Variants in SESN1 observed in about 807,000 individuals in gnomAD.
The protein encoded by SESN1 is sestrin-1.
SESN1 carries 30 observed loss-of-function variants against 59.3 expected under a neutral mutation model. The ratio of observed to expected loss-of-function variants is 0.51; its 90% CI spans 0.38 to 0.69. The LOEUF is 0.69. Among genes scored for constraint, SESN1 ranks in the 30% least tolerant of loss-of-function variants. The pLI, the probability that SESN1 is intolerant of heterozygous loss-of-function variation, is 0.00. For missense variants in SESN1, 566 were observed against 673.0 expected, an observed-to-expected ratio of 0.84 and a Z score of 1.76; for synonymous variants, 197 against 219.9, an observed-to-expected ratio of 0.90 and a Z score of 0.92.
At chr6:109,039,166 A>G (rs1024045913) in intron 1 of SESN1, among the ~76,000 whole-genome samples, 15 of 151,730 alleles carry the variant, frequency 9.9e-5, no homozygotes, top group African/African-American at 3.6e-4. Flanking sequence ...GGAGGAGGAG[A>G]AGAAAGAAGA....
At position 109,044,311 on chromosome 6, in the gene SESN1, CAAAAAAAAAAAAAAAAAAAAA is replaced by C. The variant is rs71015570; in HGVS notation, c.280-41989_280-41969del. On this transcript the variant is annotated intron_variant, in intron 1 of 9. Transcript: ENST00000436639. The stretch of plus-strand genomic sequence containing the variant: ...TAGATGACACAGTGAGAACTTGCCT[CAAAAAAAAAAAAAAAAAAAAA>C]AAAAAAAAAAAAAAAAAGGAGTACA... Among the ~76,000 whole-genome samples, 19 of 28,456 alleles carry C rather than the reference CAAAAAAAAAAAAAAAAAAAAA, an allele frequency of 6.7e-4. 1 individual carries two copies. In the South Asian group the frequency reaches 7.5e-3, roughly 11 times the overall value. The allele number at this position is 28,456 out of a possible 152,430, so 18.7% of individuals were successfully genotyped here. A position where few individuals can be genotyped will look rare whatever the true frequency, so the allele number is the denominator to read the frequency against.
intron 1 of SESN1, among the ~76,000 whole-genome samples, chr6:109,079,443 T>C (rs148728587): frequency 1.8e-3 from 280 of 152,266 alleles, no homozygotes; most frequent in African/African-American, 6.4e-3. Flanking sequence ...TTAGCGCACA[T>C]ATCAAAACTC....
rs566701399 is a variant in SESN1 at position 109,032,630 on chromosome 6, G to C, written c.280-30287C>G. Among the ~76,000 whole-genome samples, 428 of 151,830 alleles carry C rather than the reference G, an allele frequency of 2.8e-3. 4 individuals carry two copies. The highest frequency in any genetic ancestry group is 4.6e-3 in the Non-Finnish European group (314 of 67,902). On this transcript the variant is annotated intron_variant, in intron 1 of 9. Transcript: ENST00000436639. ...AAGACTTCATCTCGTGGGGGGAGTG[G>C]GGGGGAAGAGAAAAGGTAAGAAGAC...
chr6:109,073,115 A>AC (rs1780966966), intron 1 of SESN1, among the ~76,000 whole-genome samples: 1 of 152,130 alleles, frequency 6.6e-6, no homozygotes, highest in Non-Finnish European at 1.5e-5. Context: ...TGCCATCTGC[A>AC]CTAGCTAGGT....
intron 1 of SESN1, among the ~76,000 whole-genome samples, chr6:109,023,443 G>T (rs1166291320): frequency 6.6e-6 from 1 of 152,142 alleles, no homozygotes. Flanking sequence ...TCCAAAATAT[G>T]ATCCACTATG....
Position 108,987,251 on chromosome 6 carries a change from T to C in SESN1, c.*293A>G, listed in dbSNP as rs1416192784. On this transcript the variant is annotated 3_prime_UTR_variant, in exon 10 of 10. Transcript: ENST00000436639. Reference sequence around the variant, plus strand: ...TTATTTAACATAAAAGCAACAGGATTTGGAGAGTTACTATTTGCTGTATTA... The same window carrying C: ...TTATTTAACATAAAAGCAACAGGATCTGGAGAGTTACTATTTGCTGTATTA... 3 of 277,970 alleles carry C rather than the reference T, an allele frequency of 1.1e-5. No individual in the cohort carries two copies. Among genetic ancestry groups the C allele is most frequent in the Admixed American group, 5.2e-5 (1 of 19,270 alleles). 17.2% of individuals were successfully genotyped at this position (277,970 alleles called of 1,614,324 possible).
Position 109,093,985 on chromosome 6 carries a change from T to TG in SESN1, c.88dup (p.Gln30ProfsTer35), listed in dbSNP as rs754736765. 1 of 1,614,202 alleles carries TG rather than the reference T, an allele frequency of 6.2e-7. No homozygotes were observed. The highest frequency in any genetic ancestry group is 8.5e-7 in the Non-Finnish European group (1 of 1,180,040). ...ATACTCGGTTTTCCTCAAAATGGTT[T>TG]GCCTAATGTTTTCCAATGCTGTCTC... On this transcript the variant is annotated frameshift_variant, in exon 1 of 10. Coordinates refer to ENST00000436639, the MANE Select transcript of SESN1 (RefSeq NM_014454.3). LOFTEE classifies it high-confidence loss of function.
chr6:109,000,342 G>A (rs1779588910), intron 4 of SESN1, 149 bp downstream of exon 4: 1 of 513,928 alleles, frequency 1.9e-6, no homozygotes, highest in Non-Finnish European at 3.3e-6. Context: ...CAGAAATGCT[G>A]TAACAGAAGA....
At chr6:108,991,075 ACAACAAC>A (rs777138009) in intron 7 of SESN1, among the ~76,000 whole-genome samples, 15 of 149,612 alleles carry the variant, frequency 1.0e-4, no homozygotes, top group South Asian at 2.1e-4. Flanking sequence ...TCAAAAAAAA[ACAACAAC>A]AAAAAAAAAC....
intron 1 of SESN1, among the ~76,000 whole-genome samples, chr6:109,016,909 T>A (rs1216133165): frequency 6.6e-6 from 1 of 152,198 alleles, no homozygotes; most frequent in African/African-American, 2.4e-5. Flanking sequence ...TAAAATAGTA[T>A]TTTATTCAGA....
chr6:109,094,223 G>A lies in SESN1; in HGVS notation c.-150C>T. 1.2e-6 allele frequency: 1 copy of A among 804,890 alleles called. No individual in the cohort carries two copies. The allele number at this position is 804,890 out of a possible 1,614,324, so 49.9% of individuals were successfully genotyped here. A position where few individuals can be genotyped will look rare whatever the true frequency, so the allele number is the denominator to read the frequency against. On this transcript the variant is annotated 5_prime_UTR_variant, in exon 1 of 10. Transcript: ENST00000436639. ...CATCTGGGTGACATTTGGAACCACT[G>A]GTGCCTTCAGCCGATCTACAAGCTA...
chr6:109,049,167 G>A (rs1390519251), intron 1 of SESN1, among the ~76,000 whole-genome samples: 7 of 152,050 alleles, frequency 4.6e-5, no homozygotes, highest in Admixed American at 6.6e-5. Flanking sequence ...TTTAAAATGT[G>A]TTATATACAC....
At chr6:109,041,692 A>G (rs1780345813) in intron 1 of SESN1, among the ~76,000 whole-genome samples, 1 of 152,184 alleles carries the variant, frequency 6.6e-6, no homozygotes, top group Non-Finnish European at 1.5e-5. Context: ...GAGCTGTAAA[A>G]TATATGAAGG....
intron 1 of SESN1, among the ~76,000 whole-genome samples, chr6:109,077,292 CA>C (rs530224289): frequency 3.6e-4 from 55 of 151,936 alleles, no homozygotes; most frequent in African/African-American, 1.3e-3. Context: ...ACAAAAAAAC[CA>C]AAAAACTCTA....
At chr6:109,085,050 GT>G (rs57841808) in intron 1 of SESN1, among the ~76,000 whole-genome samples, 4 of 147,356 alleles carry the variant, frequency 2.7e-5, no homozygotes, top group Admixed American at 6.8e-5. Context: ...ATCTTTTAAA[GT>G]TTTTTTTTCT....
rs902032819 is a variant in SESN1 at position 109,084,923 on chromosome 6, A to G, written c.279+8872T>C. On this transcript the variant is annotated intron_variant, in intron 1 of 9. Coordinates refer to ENST00000436639, the MANE Select transcript of SESN1 (RefSeq NM_014454.3). ...CACAAACTGTGAGTCTACTCGTAAT[A>G]GACAGATTTTAATAATAAAATACCA... Among the ~76,000 whole-genome samples, 10 of 152,196 alleles carry G rather than the reference A, an allele frequency of 6.6e-5. 1 individual carries two copies. Among genetic ancestry groups the G allele is most frequent in the Admixed American group, 5.9e-4 (9 of 15,284 alleles).
chr6:108,987,690 C>A, intron 9 of SESN1, 60 bp from the exon 10 acceptor site: 1 of 892,284 alleles, frequency 1.1e-6, no homozygotes. Context: ...ATCAGTTTTT[C>A]AGTGAATCTA....
chr6:109,078,857 A>C (rs1046455404), intron 1 of SESN1, among the ~76,000 whole-genome samples: 1 of 152,194 alleles, frequency 6.6e-6, no homozygotes, highest in African/African-American at 2.4e-5. Context: ...AAAAAATAAC[A>C]ACCCTGTAAT....
At chr6:109,002,931 TAA>T (rs1354416649) in intron 1 of SESN1, among the ~76,000 whole-genome samples, 1 of 152,134 alleles carries the variant, frequency 6.6e-6, no homozygotes, top group Non-Finnish European at 1.5e-5. Flanking sequence ...TGCCTTAAAT[TAA>T]GTTTTTTTTT....
Sources: allele counts gnomAD v4.1 joint callset (sites outside exome capture counted in the v4.1 genomes callset), GRCh38; gene constraint gnomAD v4.1.1; transcripts MANE v1.5; gene names NCBI Gene and HGNC (gene_info 2026-07-23, HGNC 2026-07-21).